Variants in MAP1S observed in about 807,000 individuals in gnomAD.
MAP1S encodes the protein microtubule associated protein 1S, also known as microtubule-associated protein 1S.
A neutral mutation model predicts 60.9 loss-of-function variants in MAP1S; 27 were observed. That is an observed-to-expected ratio of 0.44 (90% CI 0.33 to 0.61). The LOEUF (loss-of-function observed/expected upper bound fraction) is 0.61, where lower values mean the gene tolerates loss of function less well. Ranked by LOEUF, MAP1S falls within the 20% of genes least tolerant of loss-of-function variation. The pLI is 0.03. For missense variants in MAP1S, 1,608 were observed against 1,486.6 expected (o/e 1.08, Z -1.34); for synonymous variants, 826 against 694.2 (o/e 1.19, Z -2.98).
intron 5 of MAP1S, 22 bp from the exon 6 acceptor site, chr19:17,733,171 C>G: frequency 1.3e-6 from 2 of 1,490,294 alleles, no homozygotes; most frequent in Non-Finnish European, 1.8e-6. Flanking sequence ...TCATCCCTGC[C>G]TCCCCATCCC....
intron 2 of MAP1S, 23 bp from the exon 3 acceptor site, chr19:17,724,103 G>A (rs752757914): frequency 2.2e-5 from 36 of 1,603,712 alleles, no homozygotes; most frequent in Middle Eastern, 1.7e-4. Flanking sequence ...ATTTGACTCC[G>A]GGACGGCCTG....
Position 17,726,342 on chromosome 19 carries a change from G to C in MAP1S, c.958G>C (p.Gly320Arg). 6.2e-7 allele frequency: 1 copy of C among 1,602,054 alleles called. No individual in the cohort carries two copies. The highest frequency in any genetic ancestry group is 1.3e-5 in the African/African-American group (1 of 74,982). ...GCGCTCCGAGGTGGCTGCTGGTGGG[G>C]GCTCCTGGGACGACAGGCTGCGCAG... The part of the protein sequence containing the change: ...AERSEVAAGG[G>R]SWDDRLRRLI... The change falls in exon 5 of 7, where the codon GGC becomes CGC. Residue 320 changes from glycine (G) to arginine (R), a missense_variant. Gly to Arg is a moderately radical substitution (Grantham distance 125, BLOSUM62 -2). Coordinates refer to ENST00000324096, the MANE Select transcript of MAP1S (RefSeq NM_018174.6).
At position 17,725,693 on chromosome 19, in the gene MAP1S, G is replaced by A; in HGVS notation, c.445-136G>A. Reference sequence around the variant, plus strand: ...GATCAAAGAGCCTTGTGGCGCTGGAGAGGGTTGGGTTTTGGCGGGAGGGCC... The same window carrying A: ...GATCAAAGAGCCTTGTGGCGCTGGAAAGGGTTGGGTTTTGGCGGGAGGGCC... On this transcript the variant is annotated intron_variant, in intron 4 of 6. Coordinates refer to ENST00000324096, the MANE Select transcript of MAP1S (RefSeq NM_018174.6). This position sits in a 1 kb window ranked among gnomAD's most constrained non-coding sequence, Gnocchi z 4.2. 1 of 805,526 alleles carries A rather than the reference G, an allele frequency of 1.2e-6. No individual in the cohort carries two copies. Among genetic ancestry groups the A allele is most frequent in the East Asian group, 2.6e-5 (1 of 38,636 alleles). The allele number at this position is 805,526 out of a possible 1,614,324, so 49.9% of individuals were successfully genotyped here. A position where few individuals can be genotyped will look rare whatever the true frequency, so the allele number is the denominator to read the frequency against.
intron 2 of MAP1S, among the ~76,000 whole-genome samples, chr19:17,722,316 G>A (rs909999572): frequency 6.6e-5 from 10 of 152,370 alleles, no homozygotes; most frequent in African/African-American, 1.9e-4. Context: ...GCTGGACCTG[G>A]TGGTGCACAC....
In MAP1S at chr19:17,727,038, A is replaced by C; in HGVS notation, c.1654A>C (p.Lys552Gln). Residue 552 changes from lysine (K) to glutamine (Q), a missense_variant, in exon 5 of 7, where the codon AAG (lysine) becomes CAG (glutamine). Transcript: ENST00000324096. The surrounding 1 kb of genome is among the most constrained non-coding windows in gnomAD (Gnocchi z 4.1). ...RRAASSVPNLKKTNAQAAPKP... is the reference protein window; with the variant it reads ...RRAASSVPNLQKTNAQAAPKP... ...GGCAGCCTCTTCTGTGCCCAACCTC[A>C]AGAAGACGAATGCCCAGGCGGCACC... is the stretch of plus-strand genomic sequence containing the variant. 1 of 1,605,374 alleles carries C rather than the reference A, an allele frequency of 6.2e-7. No homozygotes were observed.
intron 1 of MAP1S, chr19:17,720,475 A>C: frequency 6.5e-7 from 1 of 1,528,752 alleles, no homozygotes; most frequent in Non-Finnish European, 8.7e-7. Flanking sequence ...AGATGGAACA[A>C]GCTTCCAGCT....
intron 3 of MAP1S, 38 bp downstream of exon 3, chr19:17,724,246 T>C (rs377655951): frequency 3.9e-6 from 6 of 1,543,754 alleles, no homozygotes; most frequent in Non-Finnish European, 5.4e-6. Context: ...GGCGGGCTGC[T>C]GGGACCCGTG....
chr19:17,720,257 C>A (rs1031397998), intron 1 of MAP1S: 1 of 1,398,264 alleles, frequency 7.2e-7, no homozygotes, highest in Non-Finnish European at 9.3e-7. Flanking sequence ...CATCCCCCAT[C>A]CCTCGGAGCA....
chr19:17,726,235 G>T lies in MAP1S; in HGVS notation c.851G>T (p.Arg284Leu). Residue 284 changes from arginine to leucine, a missense_variant, in exon 5 of 7, where the codon CGC becomes CTC. Arg to Leu is a moderately radical substitution (Grantham distance 102). Around this residue, in one of 4 missense-constraint regions of MAP1S, gnomAD observed 320 missense variants for 393.1 expected, o/e 0.81. Coordinates refer to ENST00000324096, the MANE Select transcript of MAP1S (RefSeq NM_018174.6). ...SFWKLVRHLD[R>L]VDAVLVTHPG... is the part of the protein sequence containing the mutation. ...TGGAAGCTGGTGCGGCACCTGGACC[G>T]CGTGGATGCCGTGCTGGTGACCCAC... 3 of 1,608,298 alleles carry T rather than the reference G, an allele frequency of 1.9e-6. No homozygotes were observed. The highest frequency in any genetic ancestry group is 2.5e-6 in the Non-Finnish European group (3 of 1,177,744).
At chr19:17,732,524 C>T (rs2080501680) in intron 5 of MAP1S, among the ~76,000 whole-genome samples, 1 of 152,210 alleles carries the variant, frequency 6.6e-6, no homozygotes, top group Admixed American at 6.5e-5. Context: ...GTCTCATCCG[C>T]ATCCAGCATC....
At chr19:17,721,295 G>C (rs1051877808) in intron 2 of MAP1S, 1 of 482,858 alleles carries the variant, frequency 2.1e-6, no homozygotes, top group Non-Finnish European at 3.8e-6. Flanking sequence ...GGAGATCTCT[G>C]AGGAGGGGGT....
chr19:17,726,341 G>A lies in MAP1S; in HGVS notation c.957G>A (p.Gly319=). Residue 319 remains glycine (G), a synonymous_variant, in exon 5 of 7, where the codon GGG becomes GGA. Coordinates refer to ENST00000324096, the MANE Select transcript of MAP1S (RefSeq NM_018174.6). ...AGCGCTCCGAGGTGGCTGCTGGTGG[G>A]GGCTCCTGGGACGACAGGCTGCGCA... The part of the protein sequence containing the change: ...LAERSEVAAG[G]GSWDDRLRRL... 1 of 1,601,974 alleles carries A rather than the reference G, an allele frequency of 6.2e-7. No individual in the cohort carries two copies. Among genetic ancestry groups the A allele is most frequent in the Admixed American group, 1.7e-5 (1 of 59,684 alleles).
intron 1 of MAP1S, chr19:17,720,378 T>C (rs950689628): frequency 6.5e-7 from 1 of 1,534,236 alleles, no homozygotes; most frequent in Non-Finnish European, 8.7e-7. Context: ...CTTTGGGCAG[T>C]GGACACAGGG....
At position 17,733,229 on chromosome 19, in the gene MAP1S, C is replaced by T; in HGVS notation, c.2825C>T (p.Pro942Leu). The T allele has an allele frequency of 6.5e-7, 1 of 1,548,286 alleles. No homozygotes were observed. Among genetic ancestry groups the T allele is most frequent in the South Asian group, 1.2e-5 (1 of 83,940 alleles). ...AGCCGGCCCGGGGTGTCAGCCACCC[C>T]ACCCAAGTCCCCGGTCTACCTGGAC... The part of the protein sequence containing the change: ...ASSRPGVSAT[P>L]PKSPVYLDLA... Residue 942 changes from proline (P) to leucine (L), a missense_variant, in exon 6 of 7, where the codon CCA (proline) becomes CTA (leucine). This residue lies in a region of MAP1S where 1,167 missense variants were observed against 961.4 expected (regional missense o/e 1.21). Coordinates refer to ENST00000324096, the MANE Select transcript of MAP1S (RefSeq NM_018174.6).
chr19:17,724,804 T>A (rs1270421257), intron 3 of MAP1S, among the ~76,000 whole-genome samples: 1 of 152,052 alleles, frequency 6.6e-6, no homozygotes, highest in African/African-American at 2.4e-5. Flanking sequence ...AAAGGGCAAG[T>A]AGTGCCTTCA....
Position 17,726,521 on chromosome 19 carries a change from CA to C in MAP1S, c.1140del (p.Lys380AsnfsTer72). 3 of 1,560,388 alleles carry C rather than the reference CA, an allele frequency of 1.9e-6. No homozygotes were observed. The highest frequency in any genetic ancestry group is 1.7e-6 in the Non-Finnish European group (2 of 1,157,252). On this transcript the variant is annotated frameshift_variant, in exon 5 of 7. Coordinates refer to ENST00000324096, the MANE Select transcript of MAP1S (RefSeq NM_018174.6). LOFTEE classifies it high-confidence loss of function. ...LPLSRGPVPA[K>X]PTVLFEKMGV... ...CACTCAGCCGCGGCCCCGTGCCAGC[CA>C]AACCCACCGTGCTCTTCGAGAAGAT...
chr19:17,721,628 C>T (rs931736084), intron 2 of MAP1S, among the ~76,000 whole-genome samples: 18 of 152,144 alleles, frequency 1.2e-4, no homozygotes. Context: ...GGGGCTGAGA[C>T]TGCGCCACTG....
chr19:17,727,599 C>G lies in MAP1S; in HGVS notation c.2215C>G (p.Leu739Val). Reference sequence around the variant, plus strand: ...TTCCCCACACGATGTGGACCTGTGCCTGGTGTCACCCTGTGAATTTGAGCA... The same window carrying G: ...TTCCCCACACGATGTGGACCTGTGCGTGGTGTCACCCTGTGAATTTGAGCA... ...SASPHDVDLC[L>V]VSPCEFEHRK... is the part of the protein sequence containing the mutation. Residue 739 changes from leucine to valine, a missense_variant, in exon 5 of 7, where the codon CTG becomes GTG. Leu to Val is a conservative substitution (Grantham distance 32, BLOSUM62 1). Around this residue, in one of 4 missense-constraint regions of MAP1S, gnomAD observed 1,167 missense variants for 961.4 expected, o/e 1.21. Coordinates refer to ENST00000324096, the MANE Select transcript of MAP1S (RefSeq NM_018174.6). The surrounding 1 kb of genome is among the most constrained non-coding windows in gnomAD (Gnocchi z 4.1). 1 of 1,607,502 alleles carries G rather than the reference C, an allele frequency of 6.2e-7. No homozygotes were observed. Among genetic ancestry groups the G allele is most frequent in the Non-Finnish European group, 8.5e-7 (1 of 1,179,764 alleles).
At chr19:17,733,090 G>C (rs977795516) in intron 5 of MAP1S, 103 bp from the exon 6 acceptor site, 2 of 717,410 alleles carry the variant, frequency 2.8e-6, no homozygotes, top group Non-Finnish European at 4.5e-6. Context: ...CAGGCCTCCT[G>C]CTGAGGAGGG....
Sources: gnomAD v4.1 joint callset for allele counts (sites outside exome capture counted in the v4.1 genomes callset) on GRCh38, gnomAD v4.1.1 for gene constraint, gnomAD v4.1.1 regional missense constraint, Gnocchi (gnomAD v3.1) non-coding constraint, MANE v1.5 for transcripts, NCBI Gene and HGNC (gene_info 2026-07-23, HGNC 2026-07-21) for gene names.